The following ACLY variants were observed in gnomAD, a reference collection of about 807,000 sequenced individuals.
The protein encoded by ACLY is ATP citrate lyase, also known as ATP-citrate synthase.
Under a neutral mutation model 133.0 loss-of-function variants are expected in ACLY, and 41 were observed. The observed-to-expected ratio is 0.31, with a 90% CI of 0.24 to 0.40. The LOEUF (loss-of-function observed/expected upper bound fraction) is 0.40. Ranked by LOEUF, ACLY falls within the 10% of genes least tolerant of loss-of-function variation. The pLI is 1.00. For synonymous variants in ACLY, 495 were observed against 549.3 expected, an observed-to-expected ratio of 0.90 and a Z score of 1.38; for missense variants, 1,046 against 1,453.8, an observed-to-expected ratio of 0.72 and a Z score of 4.56.
At position 41,910,102 on chromosome 17, in the gene ACLY, T is replaced by C. The variant is rs550657738; in HGVS notation, c.345+120A>G. The C allele has an allele frequency of 7.2e-5, 73 of 1,017,390 alleles. No homozygotes were observed. The South Asian group carries it at 1.1e-3, about 16-fold the overall frequency. The allele number at this position is 1,017,390 out of a possible 1,614,324, so 63.0% of individuals were successfully genotyped here. ...AGCACCCTCAGATCCTCAGTGCAGCTTCAGGGACCCTGGTCCCTCTGACTG... is the reference window on the plus strand; with the variant it reads ...AGCACCCTCAGATCCTCAGTGCAGCCTCAGGGACCCTGGTCCCTCTGACTG... On this transcript the variant is annotated intron_variant, in intron 4 of 28. Transcript: ENST00000352035.
At chr17:41,883,062 T>C in intron 20 of ACLY, 60 bp downstream of exon 20, 1 of 1,412,258 alleles carries the variant, frequency 7.1e-7, no homozygotes. Context: ...CTGGTTCGCC[T>C]CAAATGCCCC....
exon 1 of ACLY, chr17:41,930,504 G>A (rs2050307684): frequency 3.9e-6 from 2 of 506,444 alleles, no homozygotes; most frequent in Non-Finnish European, 7.1e-6. Flanking sequence ...CCAGCCGTCA[G>A]CCACGCAATC....
chr17:41,915,607 G>C (rs1195342914), intron 1 of ACLY, among the ~76,000 whole-genome samples: 1 of 152,146 alleles, frequency 6.6e-6, no homozygotes, highest in Admixed American at 6.5e-5. Context: ...GGGGTAGCTG[G>C]GAAGGGGCTC....
intron 17 of ACLY, 21 bp downstream of exon 17, chr17:41,887,578 C>G (rs1479762625): frequency 6.2e-7 from 1 of 1,610,010 alleles, no homozygotes. Flanking sequence ...ACGTAAAAGG[C>G]TTTCCGGAGG....
chr17:41,919,080 C>A, upstream of ACLY: 1 of 1,221,724 alleles, frequency 8.2e-7, no homozygotes, highest in South Asian at 1.4e-5. Flanking sequence ...GCCAGGGCTC[C>A]TCCCAATTCG....
At chr17:41,900,492 A>G (rs1324555715) in intron 11 of ACLY, among the ~76,000 whole-genome samples, 1 of 152,082 alleles carries the variant, frequency 6.6e-6, no homozygotes, top group African/African-American at 2.4e-5. Context: ...GGCAAAGGCA[A>G]GAGGATCACT....
chr17:41,868,608 AAAAAAAAG>A (rs1343310786), intron 28 of ACLY, 93 bp downstream of exon 28: 4 of 712,196 alleles, frequency 5.6e-6, no homozygotes, highest in African/African-American at 4.4e-5. Flanking sequence ...ATTAAAAAAA[AAAAAAAAG>A]AAAGAAAAAG....
intron 22 of ACLY, among the ~76,000 whole-genome samples, chr17:41,874,553 G>A (rs1466863793): frequency 1.3e-5 from 2 of 150,802 alleles, no homozygotes; most frequent in African/African-American, 2.4e-5. Context: ...GATTACAGGC[G>A]TGAGACCCAG....
rs967285224 is a variant in ACLY, at chr17:41,917,003, C to T, written c.-24+1877G>A. 7.3e-5 allele frequency among the ~76,000 whole-genome samples: 11 copies of T among 151,662 alleles called. No homozygotes were observed. The South Asian group carries it at 1.3e-3, about 17-fold the overall frequency. On this transcript the variant is annotated intron_variant, in intron 1 of 28. Transcript: ENST00000352035. ...ACTAAAAATACAAAAATTAGCCGGG[C>T]GTGGTGGTGCACACCTGTAGCTACT... is the stretch of plus-strand genomic sequence containing the variant.
At chr17:41,904,894 C>T (rs2049664971) in intron 9 of ACLY, 104 bp from the exon 10 acceptor site, 1 of 1,112,468 alleles carries the variant, frequency 9.0e-7, no homozygotes, top group Non-Finnish European at 1.3e-6. Context: ...AATGAGGGTC[C>T]CCCATCTGCC....
intron 3 of ACLY, among the ~76,000 whole-genome samples, chr17:41,911,840 C>T (rs549025612): frequency 5.9e-5 from 9 of 152,024 alleles, no homozygotes; most frequent in East Asian, 1.9e-4. Flanking sequence ...GTAGGCCGGG[C>T]GCAGTGGCTC....
chr17:41,909,894 G>A (rs1360498757), intron 4 of ACLY, among the ~76,000 whole-genome samples, 194 bp from the exon 5 acceptor site: 3 of 152,232 alleles, frequency 2.0e-5, no homozygotes, highest in Non-Finnish European at 4.4e-5. Context: ...ACAAGAGGAA[G>A]AAGCCTCTAC....
intron 16 of ACLY, 68 bp downstream of exon 16, chr17:41,892,211 A>T: frequency 4.6e-6 from 5 of 1,084,162 alleles, no homozygotes; most frequent in Non-Finnish European, 6.5e-6. Flanking sequence ...TGTCCCCTAG[A>T]GCCCAGTGAT....
chr17:41,908,444 G>A (rs935804854), intron 6 of ACLY, among the ~76,000 whole-genome samples: 5 of 152,246 alleles, frequency 3.3e-5, no homozygotes, highest in Non-Finnish European at 7.3e-5. Flanking sequence ...CTGGCGGGAG[G>A]AGCAGAAGCA....
intron 2 of ACLY, among the ~76,000 whole-genome samples, chr17:41,912,941 C>A (rs892130165): frequency 6.6e-6 from 1 of 152,168 alleles, no homozygotes; most frequent in African/African-American, 2.4e-5. Flanking sequence ...AGCAAGGAAC[C>A]TTAGAGGTCA....
intron 25 of ACLY, among the ~76,000 whole-genome samples, chr17:41,871,236 T>C (rs1555624967): frequency 6.6e-6 from 1 of 152,244 alleles, no homozygotes; most frequent in African/African-American, 2.4e-5. Flanking sequence ...AGCTGCTTTG[T>C]ATTTGGCATC....
chr17:41,876,033 T>C (rs2048739151), intron 22 of ACLY, among the ~76,000 whole-genome samples: 1 of 149,102 alleles, frequency 6.7e-6, no homozygotes, highest in South Asian at 2.1e-4. Flanking sequence ...ATCTAGGAGG[T>C]GAGGAGCGTC....
chr17:41,912,376 C>T (rs1438394188), intron 3 of ACLY, 44 bp downstream of exon 3: 1 of 1,601,014 alleles, frequency 6.2e-7, no homozygotes, highest in Non-Finnish European at 8.5e-7. Flanking sequence ...ACCATATTTG[C>T]TTCTGTTACC....
upstream of ACLY, among the ~76,000 whole-genome samples, chr17:41,920,298 T>C (rs540497732): frequency 2.0e-5 from 3 of 152,142 alleles, no homozygotes; most frequent in African/African-American, 4.8e-5. Flanking sequence ...ACCTCTCTTC[T>C]CTTGTCCTAA....
Sources: allele counts gnomAD v4.1 joint callset (sites outside exome capture counted in the v4.1 genomes callset), GRCh38; gene constraint gnomAD v4.1.1; transcripts MANE v1.5; gene names NCBI Gene and HGNC (gene_info 2026-07-23, HGNC 2026-07-21).